The following GRIP1 variants were observed in gnomAD, a reference collection of about 807,000 sequenced individuals.
GRIP1 encodes glutamate receptor-interacting protein 1.
Under a neutral mutation model 129.9 loss-of-function variants are expected in GRIP1, and 45 were observed. The ratio of observed to expected loss-of-function variants is 0.35; its 90% CI spans 0.27 to 0.44. The LOEUF (loss-of-function observed/expected upper bound fraction) is 0.44. Ranked by LOEUF, GRIP1 falls within the 20% of genes least tolerant of loss-of-function variation. The pLI is 1.00. For synonymous variants in GRIP1, 530 were observed against 520.8 expected (o/e 1.02, Z -0.24); for missense variants, 1,196 against 1,396.8 (o/e 0.86, Z 2.29).
At chr12:66,494,971 T>C (rs969623739) in intron 7 of GRIP1, among the ~76,000 whole-genome samples, 3 of 152,166 alleles carry the variant, frequency 2.0e-5, no homozygotes, top group Non-Finnish European at 4.4e-5. Context: ...TTATAATGTA[T>C]GTGTCCTAGG....
Position 66,605,500 on chromosome 12 carries a change from G to A in GRIP1, c.56-8573C>T, listed in dbSNP as rs528828394. 2.6e-4 allele frequency among the ~76,000 whole-genome samples: 40 copies of A among 152,292 alleles called. 1 individual carries two copies. The highest frequency in any genetic ancestry group is 8.9e-4 in the African/African-American group (37 of 41,558). ...CAATCAGGATGACTTCATTTGAAGA[G>A]GTCTAAATCTTGTGCCAGTGTGTGA... On this transcript the variant is annotated intron_variant, in intron 1 of 24. Transcript: ENST00000359742.
At position 66,736,346 on chromosome 12, in the gene GRIP1, A is replaced by ATTT. The variant is rs547706592; in HGVS notation, c.-420+67704_-420+67706dup. On this transcript the variant is annotated intron_variant, in intron 1 of 4. Coordinates refer to the GRIP1 transcript ENST00000538373. Reference sequence around the variant, plus strand: ...AGGTGTGCACCACCGTGCCTGGCTAATTTTTTTTTTTTTTTTTTTTTTTTT... The same window carrying ATTT: ...AGGTGTGCACCACCGTGCCTGGCTAATTTTTTTTTTTTTTTTTTTTTTTTTTTT... 8.1e-4 allele frequency among the ~76,000 whole-genome samples: 54 copies of ATTT among 67,018 alleles called. 2 individuals carry two copies. The highest frequency in any genetic ancestry group is 1.1e-3 in the Non-Finnish European group (40 of 36,460). 44.0% of individuals were successfully genotyped at this position (67,018 alleles called of 152,430 possible). A position where few individuals can be genotyped will look rare whatever the true frequency, so the allele number is the denominator to read the frequency against.
intron 2 of GRIP1, among the ~76,000 whole-genome samples, chr12:66,574,007 TC>T (rs1479500690): frequency 1.3e-5 from 2 of 152,202 alleles, no homozygotes; most frequent in African/African-American, 4.8e-5. Context: ...AAACTATTGA[TC>T]TTTTTTTCCC....
At chr12:66,947,234 A>AG (rs2041687332) in intron 1 of GRIP1, among the ~76,000 whole-genome samples, 1 of 152,140 alleles carries the variant, frequency 6.6e-6, no homozygotes, top group African/African-American at 2.4e-5. Flanking sequence ...GTCCCCTTTC[A>AG]GCCCACATAT....
chr12:66,401,598 G>GTGTGTATATATATATATA (rs71096098), intron 16 of GRIP1, among the ~76,000 whole-genome samples: 3 of 66,272 alleles, frequency 4.5e-5, no homozygotes, highest in Admixed American at 1.7e-4. Context: ...AAATATGTGT[G>GTGTGTATATATATATATA]TATATATATA....
intron 1 of GRIP1, among the ~76,000 whole-genome samples, chr12:66,858,603 G>A (rs1305714415): frequency 1.3e-5 from 2 of 151,870 alleles, no homozygotes; most frequent in Non-Finnish European, 2.9e-5. Flanking sequence ...AAAACTTTAA[G>A]TGGTCAAGAG....
intron 1 of GRIP1, among the ~76,000 whole-genome samples, chr12:66,936,685 T>A: frequency 6.6e-6 from 1 of 152,186 alleles, no homozygotes; most frequent in East Asian, 1.9e-4. Context: ...GTGACTGGCA[T>A]CTGTAGTAAG....
rs113945477 is a variant in GRIP1 at position 66,906,336 on chromosome 12, A to G, written c.58+162714T>C. 9.3e-3 allele frequency among the ~76,000 whole-genome samples: 1,417 copies of G among 152,248 alleles called. 24 individuals are homozygous for G. Among genetic ancestry groups the G allele is most frequent in the African/African-American group, 0.032 (1,339 of 41,550 alleles). On this transcript the variant is annotated intron_variant, in intron 1 of 1. Transcript: ENST00000643019. ...GTAGTCCCAGCTACTTGGGAGGCTG[A>G]GGTGGGAGAATCACCTGAGCCCAGG... is the stretch of plus-strand genomic sequence containing the variant.
Position 66,829,993 on chromosome 12 carries a change from C to T in GRIP1, c.59-233066G>A, listed in dbSNP as rs573630000. Among the ~76,000 whole-genome samples, 5 of 152,272 alleles carry T rather than the reference C, an allele frequency of 3.3e-5. No individual in the cohort carries two copies. The East Asian group carries it at 9.6e-4, about 29-fold the overall frequency. On this transcript the variant is annotated intron_variant, in intron 1 of 1. Coordinates refer to the GRIP1 transcript ENST00000643019. ...TAAAGGGATACCTGGGTCTATTTCC[C>T]AAGCCCATGAGCTTTCCACATACCA...
At chr12:66,734,742 T>C (rs890867809) in intron 1 of GRIP1, among the ~76,000 whole-genome samples, 1 of 152,200 alleles carries the variant, frequency 6.6e-6, no homozygotes, top group South Asian at 2.1e-4. Context: ...GAATAAACAT[T>C]TGTTTTGTGA....
At position 66,378,419 on chromosome 12, in the gene GRIP1, T is replaced by G. The variant is rs576437784; in HGVS notation, c.2621+861A>C. 3.4e-3 allele frequency among the ~76,000 whole-genome samples: 516 copies of G among 151,196 alleles called. 2 individuals carry two copies. Among genetic ancestry groups the G allele is most frequent in the African/African-American group, 0.012 (491 of 41,130 alleles). ...GTGAGCTGAGATCATACCACTGCAC[T>G]CCAGCCTGGGTGACAGAGTGAGACC... On this transcript the variant is annotated intron_variant, in intron 20 of 24. Transcript: ENST00000359742.
chr12:66,977,716 G>T (rs2042174775), intron 1 of GRIP1, among the ~76,000 whole-genome samples: 1 of 146,984 alleles, frequency 6.8e-6, no homozygotes, highest in African/African-American at 2.5e-5. Context: ...TTGCACGTAA[G>T]AATAATAGCC....
chr12:66,355,403 G>A (rs1297625438), intron 23 of GRIP1, among the ~76,000 whole-genome samples: 1 of 151,796 alleles, frequency 6.6e-6, no homozygotes, highest in East Asian at 1.9e-4. Flanking sequence ...CCGTAAGATG[G>A]GTAAGAGTCT....
chr12:66,902,701 C>A (rs2137276347), intron 1 of GRIP1, among the ~76,000 whole-genome samples: 1 of 152,264 alleles, frequency 6.6e-6, no homozygotes, highest in African/African-American at 2.4e-5. Context: ...GAAATAGTGA[C>A]AATCTTCTGG....
intron 3 of GRIP1, 38 bp downstream of exon 3, chr12:66,541,775 CCT>C (rs563148792): frequency 6.2e-6 from 10 of 1,601,222 alleles, no homozygotes; most frequent in Admixed American, 1.7e-5. Flanking sequence ...TTAATTACAC[CCT>C]GTGTTCCTTT....
chr12:66,429,842 C>T (rs1294253829), intron 14 of GRIP1, among the ~76,000 whole-genome samples: 1 of 152,056 alleles, frequency 6.6e-6, no homozygotes, highest in Non-Finnish European at 1.5e-5. Flanking sequence ...TTAATCTTGT[C>T]AACAATACTA....
chr12:66,455,514 G>T lies in GRIP1; in HGVS notation c.1249C>A (p.Leu417Met), dbSNP rs2058932179. Reference sequence around the variant, plus strand: ...AGAGTCCCCATGTTCAGGGAACTCAGGCTGTATGCACTCATGGAGGTAGGA... The same window carrying T: ...AGAGTCCCCATGTTCAGGGAACTCATGCTGTATGCACTCATGGAGGTAGGA... ...FSPTSMSAYSLSSLNMGTLPR... is the reference protein window; with the variant it reads ...FSPTSMSAYSMSSLNMGTLPR... Residue 417 changes from leucine to methionine, a missense_variant, in exon 11 of 25, where the codon CTG becomes ATG. Leu to Met is a conservative substitution (Grantham distance 15, BLOSUM62 2). Coordinates refer to ENST00000359742, the MANE Select transcript of GRIP1 (RefSeq NM_001366722.1). 1 of 1,613,534 alleles carries T rather than the reference G, an allele frequency of 6.2e-7. No individual in the cohort carries two copies. Among genetic ancestry groups the T allele is most frequent in the South Asian group, 1.1e-5 (1 of 91,074 alleles).
chr12:66,911,468 T>C (rs1050821736), intron 1 of GRIP1, among the ~76,000 whole-genome samples: 2 of 152,144 alleles, frequency 1.3e-5, no homozygotes, highest in South Asian at 2.1e-4. Flanking sequence ...TTCTACTCTC[T>C]AGGCATACCC....
At chr12:66,495,041 T>C (rs969865139) in intron 7 of GRIP1, among the ~76,000 whole-genome samples, 4 of 152,234 alleles carry the variant, frequency 2.6e-5, no homozygotes, top group Admixed American at 1.3e-4. Context: ...TGCTTGTCGA[T>C]ACAAACTGCA....
Sources: gnomAD v4.1 joint callset for allele counts (sites outside exome capture counted in the v4.1 genomes callset) on GRCh38, gnomAD v4.1.1 for gene constraint, MANE v1.5 for transcripts, NCBI Gene and HGNC (gene_info 2026-07-23, HGNC 2026-07-21) for gene names.